COL11A1: variants seen among roughly 807,000 people sequenced by gnomAD.
COL11A1 encodes the protein collagen type XI alpha 1 chain, also known as collagen alpha-1(XI) chain.
Under a neutral mutation model 265.2 loss-of-function variants are expected in COL11A1, and 74 were observed. The observed-to-expected ratio is 0.28, with a 90% CI of 0.23 to 0.34. The LOEUF (loss-of-function observed/expected upper bound fraction) is 0.34, where lower values mean the gene tolerates loss of function less well. Among genes scored for constraint, COL11A1 ranks in the 10% least tolerant of loss-of-function variants. COL11A1 has a pLI of 1.00. For synonymous variants in COL11A1, 816 were observed against 727.6 expected (o/e 1.12, Z -1.96); for missense variants, 2,165 against 2,263.6 (o/e 0.96, Z 0.88).
In COL11A1 at chr1:103,017,870, G is replaced by C; in HGVS notation, c.1363C>G (p.Pro455Ala). ...CCAGTGGGGCCTTGTAGACCTGGAG[G>C]ACCCATAATACCCTATAGAGAAACA... is the stretch of plus-strand genomic sequence containing the variant. ...GPAGPAGIMGPPGLQGPTGPP... is the reference protein window; with the variant it reads ...GPAGPAGIMGAPGLQGPTGPP... The change falls in exon 11 of 67, where the codon CCT (proline) becomes GCT (alanine). Residue 455 changes from proline (P) to alanine (A), a missense_variant. Physicochemically the swap from Pro to Ala is conservative, Grantham distance 27 (BLOSUM62 -1). Transcript: ENST00000370096. 6.2e-7 allele frequency: 1 copy of C among 1,612,796 alleles called. No individual in the cohort carries two copies. The highest frequency in any genetic ancestry group is 8.5e-7 in the Non-Finnish European group (1 of 1,179,000).
intron 30 of COL11A1, among the ~76,000 whole-genome samples, chr1:102,984,473 T>G (rs1663347035): frequency 6.6e-6 from 1 of 152,072 alleles, no homozygotes. Flanking sequence ...TAAAGAGAAC[T>G]CTGCACTTCT....
chr1:102,888,599 A>G lies in COL11A1; in HGVS notation c.4586T>C (p.Leu1529Pro), dbSNP rs578137786. ...TACTGGAGACCCAGGAGGCCCTGGA[A>G]GACCACTGTCACCTTTCTGGCCAGC... ...GPAGQKGDSG[L>P]PGPPGSPGPP... is the part of the protein sequence containing the mutation. The change falls in exon 62 of 67, where the codon CTT (leucine) becomes CCT (proline). Residue 1529 changes from leucine to proline, a missense_variant. Coordinates refer to ENST00000370096, the MANE Select transcript of COL11A1 (RefSeq NM_001854.4). The G allele has an allele frequency of 4.3e-5, 70 of 1,613,700 alleles. No individual in the cohort carries two copies. The highest frequency in any genetic ancestry group is 1.1e-4 in the African/African-American group (8 of 75,048).
chr1:102,915,561 A>G (rs1345738945), intron 50 of COL11A1, 70 bp downstream of exon 50: 20 of 1,304,350 alleles, frequency 1.5e-5, no homozygotes, highest in Middle Eastern at 3.6e-4. Flanking sequence ...GAGTTGTTAC[A>G]TGTTTGTAAT....
At chr1:102,953,302 C>A (rs1459047333) in intron 41 of COL11A1, among the ~76,000 whole-genome samples, 2 of 151,894 alleles carry the variant, frequency 1.3e-5, no homozygotes, top group Admixed American at 6.6e-5. Context: ...TAGTTACTGG[C>A]ACATAGTATG....
At position 102,934,617 on chromosome 1, in the gene COL11A1, A is replaced by G. The variant is rs12088268; in HGVS notation, c.3493-61T>C. ...AAAAATCATTACGATATGAGTCATT[A>G]AAAAATGTGGCCATTTCTAATTTAA... On this transcript the variant is annotated intron_variant, in intron 45 of 66. Coordinates refer to ENST00000370096, the MANE Select transcript of COL11A1 (RefSeq NM_001854.4). 1.6e-5 allele frequency: 21 copies of G among 1,317,560 alleles called. No individual in the cohort carries two copies. In the Admixed American group the frequency reaches 3.6e-4, roughly 22 times the overall value. The allele number at this position is 1,317,560 out of a possible 1,614,324, so 81.6% of individuals were successfully genotyped here. A position where few individuals can be genotyped will look rare whatever the true frequency, so the allele number is the denominator to read the frequency against.
At position 102,985,088 on chromosome 1, in the gene COL11A1, C is replaced by T. The variant is rs1444572784; in HGVS notation, c.2503-897G>A. Among the ~76,000 whole-genome samples the T allele has an allele frequency of 2.0e-5, 3 of 151,802 alleles. No homozygotes were observed. In the East Asian group the frequency reaches 5.8e-4, roughly 29 times the overall value. Reference sequence around the variant, plus strand: ...AATATGTATGTGGAATTTTACTGTGCATCCATTTACCTAATAAGATACTTA... The same window carrying T: ...AATATGTATGTGGAATTTTACTGTGTATCCATTTACCTAATAAGATACTTA... On this transcript the variant is annotated intron_variant, in intron 30 of 66. Coordinates refer to ENST00000370096, the MANE Select transcript of COL11A1 (RefSeq NM_001854.4).
intron 41 of COL11A1, among the ~76,000 whole-genome samples, chr1:102,960,483 TG>T (rs1310722136): frequency 7.5e-6 from 1 of 132,768 alleles, no homozygotes; most frequent in Non-Finnish European, 1.6e-5. Context: ...ACTGGGTGTG[TG>T]TGTGGGGGGG....
rs1245627505 is a variant in COL11A1, at chr1:103,105,086, T to TA, written c.106+2986_106+2987insT. 3.3e-5 allele frequency among the ~76,000 whole-genome samples: 5 copies of TA among 152,092 alleles called. No individual in the cohort carries two copies. The South Asian group carries it at 8.3e-4, about 25-fold the overall frequency. ...GTAAAAAGTGATTCAATTAGATTTT[T>TA]TTTTTTTAGTGCTTCATTATAGCTA... On this transcript the variant is annotated intron_variant, in intron 1 of 66. Coordinates refer to ENST00000370096, the MANE Select transcript of COL11A1 (RefSeq NM_001854.4).
intron 54 of COL11A1, among the ~76,000 whole-genome samples, chr1:102,906,574 AT>A (rs1169235229): frequency 2.6e-5 from 4 of 151,976 alleles, no homozygotes; most frequent in African/African-American, 9.7e-5. Flanking sequence ...CACCTGGGTA[AT>A]TTTTAAAAGT....
At chr1:103,031,525 A>T (rs1667996766) in intron 4 of COL11A1, among the ~76,000 whole-genome samples, 2 of 152,108 alleles carry the variant, frequency 1.3e-5, no homozygotes, top group Non-Finnish European at 2.9e-5. Context: ...CTCCACTGGT[A>T]ATTTATACTG....
chr1:103,072,792 AG>A (rs1671690427), intron 4 of COL11A1, among the ~76,000 whole-genome samples: 1 of 151,742 alleles, frequency 6.6e-6, no homozygotes, highest in Non-Finnish European at 1.5e-5. Context: ...TTAGAAAGTA[AG>A]ACCTGAATCT....
At position 102,946,928 on chromosome 1, in the gene COL11A1, C is replaced by G; in HGVS notation, c.3197G>C (p.Gly1066Ala). ...VGSPGERGSA[G>A]TAGPIGLPGR... ...TGGTAAACCAATTGGGCCAGCTGTA[C>G]CTGCTGACCCACGTTCTCCTGGTGA... The change falls in exon 42 of 67, where the codon GGT (glycine) becomes GCT (alanine). Residue 1066 changes from glycine to alanine, a missense_variant. Transcript: ENST00000370096. The G allele has an allele frequency of 1.2e-6, 2 of 1,613,000 alleles. No individual in the cohort carries two copies. The highest frequency in any genetic ancestry group is 1.7e-4 in the Middle Eastern group (1 of 6,058).
chr1:103,046,228 C>G (rs1273044379), intron 4 of COL11A1, among the ~76,000 whole-genome samples: 1 of 134,188 alleles, frequency 7.5e-6, no homozygotes. Flanking sequence ...AGTTTACAGT[C>G]CCACCAACAG....
intron 14 of COL11A1, among the ~76,000 whole-genome samples, chr1:103,010,180 T>C (rs1482462888): frequency 6.6e-6 from 1 of 152,132 alleles, no homozygotes; most frequent in East Asian, 1.9e-4. Flanking sequence ...AAACAATTGG[T>C]TAAAATAATT....
chr1:102,997,355 A>C (rs1379781781), intron 25 of COL11A1, among the ~76,000 whole-genome samples: 3 of 152,010 alleles, frequency 2.0e-5, no homozygotes, highest in Non-Finnish European at 4.4e-5. Flanking sequence ...TCAAATACAT[A>C]ATGCATTTGA....
intron 28 of COL11A1, among the ~76,000 whole-genome samples, chr1:102,989,974 C>A (rs1370478495): frequency 4.6e-5 from 7 of 151,974 alleles, no homozygotes; most frequent in African/African-American, 1.7e-4. Context: ...TTATTCGAGC[C>A]CAGGAGTTTG....
At chr1:102,969,007 A>G (rs764539460) in intron 37 of COL11A1, among the ~76,000 whole-genome samples, 7 of 152,234 alleles carry the variant, frequency 4.6e-5, no homozygotes, top group Non-Finnish European at 1.0e-4. Context: ...TGGCTGAAAG[A>G]TTTGAATGAT....
chr1:103,092,598 A>G (rs1006179416), intron 1 of COL11A1, among the ~76,000 whole-genome samples: 1 of 152,118 alleles, frequency 6.6e-6, no homozygotes, highest in African/African-American at 2.4e-5. Context: ...TACTACTGTA[A>G]TCATTTGTTA....
chr1:102,935,001 A>G, intron 45 of COL11A1, 59 bp downstream of exon 45: 2 of 1,531,496 alleles, frequency 1.3e-6, no homozygotes, highest in Admixed American at 1.7e-5. Context: ...GGGACAGTAT[A>G]CAAATTTAAT....
Sources: gnomAD v4.1 joint callset for allele counts (sites outside exome capture counted in the v4.1 genomes callset) on GRCh38, gnomAD v4.1.1 for gene constraint, MANE v1.5 for transcripts, NCBI Gene and HGNC (gene_info 2026-07-23, HGNC 2026-07-21) for gene names.